CDK13: variants seen among roughly 807,000 people sequenced by gnomAD.
The protein encoded by CDK13 is cyclin-dependent kinase 13.
CDK13 carries 40 observed loss-of-function variants against 137.6 expected under a neutral mutation model. The ratio of observed to expected loss-of-function variants is 0.29; its 90% CI spans 0.23 to 0.38. CDK13 has a LOEUF of 0.38. Ranked by LOEUF, CDK13 falls within the 10% of genes least tolerant of loss-of-function variation. The probability of loss-of-function intolerance (pLI) is 1.00; values close to 1 mark genes in which losing one functional copy is unlikely to be tolerated. For synonymous variants in CDK13, 869 were observed against 760.1 expected (o/e 1.14, Z -2.36); for missense variants, 1,704 against 1,951.8 (o/e 0.87, Z 2.39).
chr7:40,070,807 C>T (rs910392698), intron 9 of CDK13: 1 of 102,596 alleles, frequency 9.7e-6, no homozygotes, highest in Non-Finnish European at 1.8e-5. Context: ...CTCTGTGTGG[C>T]CATATATATA....
intron 12 of CDK13, chr7:40,092,209 A>C (rs1483722345): frequency 6.6e-6 from 1 of 152,312 alleles, no homozygotes; most frequent in Non-Finnish European, 1.5e-5. Flanking sequence ...TAGATTTTGC[A>C]TAATAAACTT....
In CDK13 at chr7:40,058,550, A is replaced by G. The variant is rs149187475; in HGVS notation, c.2601-4276A>G. On this transcript the variant is annotated intron_variant, in intron 7 of 13. Transcript: ENST00000181839. Reference sequence around the variant, plus strand: ...CTCTGTCTCAAAAAAAATAAATAAAATAATAAAAACAAAAACGGGCAGGGC... The same window carrying G: ...CTCTGTCTCAAAAAAAATAAATAAAGTAATAAAAACAAAAACGGGCAGGGC... Among the ~76,000 whole-genome samples the G allele has an allele frequency of 8.1e-3, 1,211 of 150,090 alleles. 19 individuals are homozygous for G. The highest frequency in any genetic ancestry group is 0.027 in the African/African-American group (1,078 of 40,676).
chr7:39,977,898 C>G (rs1470110730), intron 1 of CDK13, among the ~76,000 whole-genome samples: 2 of 152,016 alleles, frequency 1.3e-5, no homozygotes, highest in African/African-American at 4.8e-5. Flanking sequence ...AGCTTGGAAA[C>G]CAAATAGATC....
At chr7:40,083,534 T>A (rs1786717262) in intron 11 of CDK13, among the ~76,000 whole-genome samples, 1 of 152,202 alleles carries the variant, frequency 6.6e-6, no homozygotes, top group Admixed American at 6.5e-5. Flanking sequence ...TTTTTAAAAT[T>A]GTTTCTTAAT....
intron 9 of CDK13, chr7:40,072,126 C>CA (rs1456671943): frequency 6.6e-6 from 1 of 152,136 alleles, no homozygotes; most frequent in East Asian, 1.9e-4. Flanking sequence ...TGTACTGCTT[C>CA]AACAAGTACA....
At chr7:40,016,572 G>A (rs1289338711) in intron 5 of CDK13, among the ~76,000 whole-genome samples, 1 of 152,104 alleles carries the variant, frequency 6.6e-6, no homozygotes, top group African/African-American at 2.4e-5. Flanking sequence ...TAAAGTTTGG[G>A]AGTACCAGGT....
At chr7:40,015,383 AGGTG>A (rs1784982603) in intron 5 of CDK13, among the ~76,000 whole-genome samples, 1 of 152,214 alleles carries the variant, frequency 6.6e-6, no homozygotes, top group African/African-American at 2.4e-5. Flanking sequence ...CTCTTGGAAC[AGGTG>A]GTATAAGGTA....
chr7:39,950,568 G>C lies in CDK13; in HGVS notation c.-74G>C. ...TCCCTCCGCCGCCGCTCCCGTTTCC[G>C]GCGGGGGAGATGGCCAGGATCTGAC... On this transcript the variant is annotated 5_prime_UTR_variant, in exon 1 of 14. Transcript: ENST00000181839. 1.6e-6 allele frequency: 2 copies of C among 1,270,094 alleles called. No homozygotes were observed. Among genetic ancestry groups the C allele is most frequent in the Non-Finnish European group, 2.0e-6 (2 of 1,008,398 alleles). 78.7% of individuals were successfully genotyped at this position (1,270,094 alleles called of 1,614,324 possible).
At chr7:40,005,494 G>C (rs1784780282) in intron 5 of CDK13, among the ~76,000 whole-genome samples, 1 of 151,804 alleles carries the variant, frequency 6.6e-6, no homozygotes. Context: ...ACAGGGTTTC[G>C]CTATGTTGGC....
At chr7:39,993,609 A>C (rs1385639383) in intron 2 of CDK13, among the ~76,000 whole-genome samples, 1 of 152,058 alleles carries the variant, frequency 6.6e-6, no homozygotes, top group African/African-American at 2.4e-5. Flanking sequence ...ACCATGGATA[A>C]TGTTTCTTGA....
chr7:39,972,432 C>T (rs930315185), intron 1 of CDK13, among the ~76,000 whole-genome samples: 4 of 152,232 alleles, frequency 2.6e-5, no homozygotes, highest in African/African-American at 4.8e-5. Flanking sequence ...ATTTCAGTCA[C>T]TCCAGAGAGA....
At chr7:40,080,826 G>A (rs1308530961) in intron 11 of CDK13, among the ~76,000 whole-genome samples, 1 of 152,078 alleles carries the variant, frequency 6.6e-6, no homozygotes, top group Admixed American at 6.5e-5. Context: ...TCCTGAACTA[G>A]TTGGATATCA....
intron 10 of CDK13, 172 bp downstream of exon 10, chr7:40,078,293 T>A: frequency 2.3e-6 from 1 of 430,702 alleles, no homozygotes. Flanking sequence ...ACCATTATTA[T>A]GGAATCAGTG....
At chr7:40,065,242 T>G (rs1221120230) in intron 9 of CDK13, among the ~76,000 whole-genome samples, 1 of 151,874 alleles carries the variant, frequency 6.6e-6, no homozygotes, top group Non-Finnish European at 1.5e-5. Context: ...TAGGCTAAAT[T>G]CTCTAAAATA....
At position 39,971,681 on chromosome 7, in the gene CDK13, G is replaced by A. The variant is rs555454619; in HGVS notation, c.1212-15918G>A. 8.9e-4 allele frequency among the ~76,000 whole-genome samples: 136 copies of A among 151,998 alleles called. 1 individual carries two copies. In the South Asian group the frequency reaches 0.019, roughly 22 times the overall value. On this transcript the variant is annotated intron_variant, in intron 1 of 13. Transcript: ENST00000181839. ...AGGCAGATCACGAGGTCAGGAGTTC[G>A]AGACCAGCCTGGCCAATATGGTGAA... is the stretch of plus-strand genomic sequence containing the variant.
chr7:40,032,272 C>T (rs774059234), intron 5 of CDK13, among the ~76,000 whole-genome samples: 3 of 152,078 alleles, frequency 2.0e-5, no homozygotes, highest in Non-Finnish European at 4.4e-5. Context: ...GGTTTTGCCA[C>T]GTTGCCCAGA....
chr7:39,960,381 G>A (rs180739888), intron 1 of CDK13, among the ~76,000 whole-genome samples: 15 of 151,280 alleles, frequency 9.9e-5, no homozygotes, highest in African/African-American at 3.6e-4. Context: ...TCAGCCTCGC[G>A]AGTAGCTGGG....
chr7:39,990,701 C>T (rs1288811562), intron 2 of CDK13, among the ~76,000 whole-genome samples: 1 of 152,146 alleles, frequency 6.6e-6, no homozygotes, highest in African/African-American at 2.4e-5. Context: ...TCTTACTACT[C>T]TCATGAGTTA....
chr7:40,027,835 AC>A (rs1255579912), intron 5 of CDK13, among the ~76,000 whole-genome samples: 2 of 151,872 alleles, frequency 1.3e-5, no homozygotes, highest in Non-Finnish European at 2.9e-5. Context: ...AGGTCCTCTT[AC>A]CTGTGCAGTG....
Sources: gnomAD v4.1 joint callset for allele counts (sites outside exome capture counted in the v4.1 genomes callset) on GRCh38, gnomAD v4.1.1 for gene constraint, MANE v1.5 for transcripts, NCBI Gene and HGNC (gene_info 2026-07-23, HGNC 2026-07-21) for gene names.